Variants in GPC6 observed in about 807,000 individuals in gnomAD.
GPC6 encodes the protein glypican-6.
GPC6 carries 14 observed loss-of-function variants against 55.2 expected under a neutral mutation model. The observed-to-expected ratio is 0.25, with a 90% CI of 0.17 to 0.40. The LOEUF is 0.40. Among genes scored for constraint, GPC6 ranks in the 10% least tolerant of loss-of-function variants. GPC6 has a pLI of 1.00. For missense variants in GPC6, 641 were observed against 708.5 expected (o/e 0.90, Z 1.08); for synonymous variants, 278 against 259.6 (o/e 1.07, Z -0.68).
rs78366481 is a variant in GPC6, at chr13:93,373,079, A to G, written c.160+145463A>G. Among the ~76,000 whole-genome samples, 1,985 of 152,322 alleles carry G rather than the reference A, an allele frequency of 0.013. 144 individuals carry two copies. The East Asian group carries it at 0.22, about 17-fold the overall frequency. ...AACTCCACATCTCCCTCTGTGGTGTATAATAGTACAAAAGTGACATTAAAC... is the reference window on the plus strand; with the variant it reads ...AACTCCACATCTCCCTCTGTGGTGTGTAATAGTACAAAAGTGACATTAAAC... On this transcript the variant is annotated intron_variant, in intron 1 of 8. Transcript: ENST00000377047.
chr13:94,314,530 T>A (rs989610565), intron 6 of GPC6, among the ~76,000 whole-genome samples: 2 of 152,236 alleles, frequency 1.3e-5, no homozygotes, highest in Non-Finnish European at 2.9e-5. Flanking sequence ...TTTGGTAGAT[T>A]GATTATGGAA....
chr13:93,443,970 C>G (rs12876057), intron 1 of GPC6, among the ~76,000 whole-genome samples: 6 of 151,934 alleles, frequency 3.9e-5, no homozygotes, highest in African/African-American at 9.7e-5. Flanking sequence ...CCATTATATC[C>G]GCTTGGGAGA....
At chr13:93,389,922 G>A (rs1289214276) in intron 1 of GPC6, among the ~76,000 whole-genome samples, 1 of 152,088 alleles carries the variant, frequency 6.6e-6, no homozygotes, top group East Asian at 1.9e-4. Context: ...AGACTTTAAA[G>A]GAATAGTGAT....
At chr13:93,882,945 G>A (rs899456276) in intron 3 of GPC6, among the ~76,000 whole-genome samples, 1 of 152,144 alleles carries the variant, frequency 6.6e-6, no homozygotes, top group East Asian at 1.9e-4. Flanking sequence ...TCTAAGAAAC[G>A]TCCCTTGTAT....
intron 1 of GPC6, among the ~76,000 whole-genome samples, chr13:93,455,134 G>C (rs1344097397): frequency 3.3e-5 from 5 of 152,180 alleles, no homozygotes. Flanking sequence ...CCCGCAAGCG[G>C]CGCACGCAGC....
At chr13:93,277,944 T>G (rs1401930590) in intron 1 of GPC6, among the ~76,000 whole-genome samples, 1 of 152,208 alleles carries the variant, frequency 6.6e-6, no homozygotes, top group Non-Finnish European at 1.5e-5. Flanking sequence ...ATCATACTCC[T>G]TATTTTGAAA....
intron 2 of GPC6, among the ~76,000 whole-genome samples, chr13:93,633,142 G>A (rs1364345443): frequency 6.6e-6 from 1 of 152,152 alleles, no homozygotes; most frequent in Non-Finnish European, 1.5e-5. Context: ...ATACTTGTGA[G>A]AAACTGATTA....
intron 2 of GPC6, among the ~76,000 whole-genome samples, chr13:93,551,936 C>G (rs746603394): frequency 6.6e-6 from 1 of 152,206 alleles, no homozygotes; most frequent in South Asian, 2.1e-4. Flanking sequence ...ACAACATACA[C>G]CCCTCTATGA....
intron 2 of GPC6, among the ~76,000 whole-genome samples, chr13:93,585,613 A>G (rs1877157764): frequency 6.6e-6 from 1 of 152,194 alleles, no homozygotes; most frequent in South Asian, 2.1e-4. Flanking sequence ...TTCTTCAGTA[A>G]TTAATCTTAA....
chr13:94,256,901 A>G (rs1438354689), intron 4 of GPC6, among the ~76,000 whole-genome samples: 1 of 152,202 alleles, frequency 6.6e-6, no homozygotes. Flanking sequence ...TGTCAATCAC[A>G]TACTAAAAAG....
intron 2 of GPC6, among the ~76,000 whole-genome samples, chr13:93,570,496 C>T (rs1199565526): frequency 1.3e-5 from 2 of 151,992 alleles, no homozygotes; most frequent in African/African-American, 2.4e-5. Flanking sequence ...CCATGCCATT[C>T]GATGTTCTAT....
At chr13:93,573,968 T>C (rs1191547150) in intron 2 of GPC6, among the ~76,000 whole-genome samples, 2 of 152,178 alleles carry the variant, frequency 1.3e-5, no homozygotes, top group African/African-American at 4.8e-5. Flanking sequence ...GGTGTCTTTC[T>C]AAGAAATTGG....
In GPC6 at chr13:93,945,416, G is replaced by A. The variant is rs536886049; in HGVS notation, c.712-82313G>A. On this transcript the variant is annotated intron_variant, in intron 3 of 8. Transcript: ENST00000377047. Reference sequence around the variant, plus strand: ...CAGACTCAAAGTCAGGAAGAGCAGAGGGAGAGCTTTATAATTAAAAAATGG... The same window carrying A: ...CAGACTCAAAGTCAGGAAGAGCAGAAGGAGAGCTTTATAATTAAAAAATGG... 5.3e-5 allele frequency among the ~76,000 whole-genome samples: 8 copies of A among 152,286 alleles called. 1 individual carries two copies. The South Asian group carries it at 1.7e-3, about 32-fold the overall frequency.
At chr13:93,231,338 TATATATAC>T (rs1566533221) in intron 1 of GPC6, among the ~76,000 whole-genome samples, 2 of 72,992 alleles carry the variant, frequency 2.7e-5, no homozygotes, top group African/African-American at 1.8e-4. Flanking sequence ...TACGTATATA[TATATATAC>T]ATATATATAT....
chr13:94,071,470 T>G (rs1173574405), intron 4 of GPC6, among the ~76,000 whole-genome samples: 1 of 152,190 alleles, frequency 6.6e-6, no homozygotes, highest in Admixed American at 6.5e-5. Context: ...CACATGCCCT[T>G]TGTTCTTTTT....
intron 6 of GPC6, among the ~76,000 whole-genome samples, chr13:94,376,737 G>A (rs994180836): frequency 0.018 from 2,765 of 152,184 alleles, 93 homozygotes; most frequent in African/African-American, 0.063. Flanking sequence ...AGCCCGCATC[G>A]CCAAGACAAT....
chr13:94,288,934 G>GTTATATATATAATAAATATAT (rs1566638378), intron 5 of GPC6, among the ~76,000 whole-genome samples: 1 of 25,460 alleles, frequency 3.9e-5, no homozygotes, highest in Non-Finnish European at 8.8e-5. Context: ...AACAAATATA[G>GTTATATATATAATAAATATAT]ATAGATAGAT....
chr13:93,838,938 A>G (rs1475367529), intron 3 of GPC6, among the ~76,000 whole-genome samples: 1 of 152,220 alleles, frequency 6.6e-6, no homozygotes. Flanking sequence ...CTAGAGAAAG[A>G]AGAATCAGGA....
intron 1 of GPC6, among the ~76,000 whole-genome samples, chr13:93,523,382 T>C (rs1464608520): frequency 1.3e-5 from 1 of 78,438 alleles, no homozygotes; most frequent in East Asian, 3.1e-4. Context: ...TATATGTATG[T>C]ATGTGTATAT....
Sources: gnomAD v4.1 joint callset for allele counts (sites outside exome capture counted in the v4.1 genomes callset) on GRCh38, gnomAD v4.1.1 for gene constraint, MANE v1.5 for transcripts, NCBI Gene and HGNC (gene_info 2026-07-23, HGNC 2026-07-21) for gene names.